The following COL6A2 variants were observed in gnomAD, a reference collection of about 807,000 sequenced individuals.
COL6A2 encodes the protein collagen alpha-2(VI) chain.
Under a neutral mutation model 124.9 loss-of-function variants are expected in COL6A2, and 90 were observed. The observed-to-expected ratio is 0.72, with a 90% CI of 0.61 to 0.86. COL6A2 has a LOEUF of 0.86. COL6A2 is among the 40% of genes least tolerant of loss of function. The probability of loss-of-function intolerance (pLI) is 0.00; values close to 1 mark genes in which losing one functional copy is unlikely to be tolerated. For missense variants in COL6A2, 1,607 were observed against 1,502.5 expected, an observed-to-expected ratio of 1.07 and a Z score of -1.15; for synonymous variants, 793 against 618.2, an observed-to-expected ratio of 1.28 and a Z score of -4.19.
At chr21:46,114,940 C>T (rs1038290306) in intron 5 of COL6A2, among the ~76,000 whole-genome samples, 6 of 152,246 alleles carry the variant, frequency 3.9e-5, no homozygotes, top group African/African-American at 7.2e-5. Flanking sequence ...TACGTAGCTT[C>T]GTGTTTTTCT....
Position 46,116,681 on chromosome 21 carries a change from G to T in COL6A2, c.954+4G>T, listed in dbSNP as rs367630571. ...ATTTGGAGCCGACGGTCGCAAGGTA[G>T]GCTGGCTGGGTAGGCAGAGCCCCTC... On this transcript the variant is annotated splice_donor_region_variant and intron_variant, in intron 9 of 27. Coordinates refer to ENST00000300527, the MANE Select transcript of COL6A2 (RefSeq NM_001849.4). The surrounding 1 kb of genome is among the most constrained non-coding windows in gnomAD (Gnocchi z 4.6). 12 of 1,613,030 alleles carry T rather than the reference G, an allele frequency of 7.4e-6. No homozygotes were observed. Among genetic ancestry groups the T allele is most frequent in the African/African-American group, 1.3e-5 (1 of 75,048 alleles).
At position 46,116,340 on chromosome 21, in the gene COL6A2, G is replaced by T; in HGVS notation, c.901-37G>T. On this transcript the variant is annotated intron_variant, in intron 7 of 27. Coordinates refer to ENST00000300527, the MANE Select transcript of COL6A2 (RefSeq NM_001849.4). This position sits in a 1 kb window ranked among gnomAD's most constrained non-coding sequence, Gnocchi z 4.6. Reference sequence around the variant, plus strand: ...CCTTCCCTGCCTGTGTCTCTGCAGAGCTCCTCACTAATGCCCCTCTCTCCT... The same window carrying T: ...CCTTCCCTGCCTGTGTCTCTGCAGATCTCCTCACTAATGCCCCTCTCTCCT... 6.2e-7 allele frequency: 1 copy of T among 1,611,496 alleles called. No homozygotes were observed.
At chr21:46,125,237 GA>G in intron 23 of COL6A2, 28 bp from the exon 24 acceptor site, 1 of 1,609,354 alleles carries the variant, frequency 6.2e-7, no homozygotes, top group South Asian at 1.1e-5. Flanking sequence ...GCCCCGGGGG[GA>G]CTACCCTGCC....
In COL6A2 at chr21:46,115,842, G is replaced by A. The variant is rs73908531; in HGVS notation, c.802-30G>A. 3,073 of 1,611,060 alleles carry A rather than the reference G, an allele frequency of 1.9e-3. 42 individuals carry two copies. The African/African-American group carries it at 0.036, about 19-fold the overall frequency. On this transcript the variant is annotated intron_variant, in intron 5 of 27. Transcript: ENST00000300527. ...AGCTGCCTACCGCCCACCCTACCCT[G>A]CCTCGATGTACTCTTTTCTCTGCTT...
Position 46,115,158 on chromosome 21 carries a change from T to TGG in COL6A2, c.802-708_802-707dup, listed in dbSNP as rs560464898. Among the ~76,000 whole-genome samples the TGG allele has an allele frequency of 1.8e-3, 273 of 152,226 alleles. 1 individual carries two copies. Among genetic ancestry groups the TGG allele is most frequent in the African/African-American group, 6.4e-3 (264 of 41,550 alleles). On this transcript the variant is annotated intron_variant, in intron 5 of 27. Coordinates refer to ENST00000300527, the MANE Select transcript of COL6A2 (RefSeq NM_001849.4). ...ACAGCAGTGCAGTGACCCGTTCTGT[T>TGG]GGGGGGGCCACTGGAAGCTGCCACA...
intron 11 of COL6A2, 103 bp downstream of exon 11, chr21:46,117,556 C>T (rs934840308): frequency 1.6e-5 from 19 of 1,220,350 alleles, no homozygotes; most frequent in East Asian, 1.5e-4. Flanking sequence ...TGGGTTCTCC[C>T]GGCAGCCCAG....
rs142296092 is a variant in COL6A2 at position 46,132,487 on chromosome 21, G to A, written c.2995G>A (p.Glu999Lys). 148 of 1,607,296 alleles carry A rather than the reference G, an allele frequency of 9.2e-5. No individual in the cohort carries two copies. In the African/African-American group the frequency reaches 1.1e-3, roughly 12 times the overall value. ...GGGTGACCGCGCCGCCGTGTTCCACGAGAAGGACTATGACAGCCTGGCGCA... is the reference window on the plus strand; with the variant it reads ...GGGTGACCGCGCCGCCGTGTTCCACAAGAAGGACTATGACAGCCTGGCGCA... Reference protein sequence around the residue: ...SLGDRAAVFHEKDYDSLAQPG... With the variant: ...SLGDRAAVFHKKDYDSLAQPG... Residue 999 changes from glutamate to lysine, a missense_variant, in exon 28 of 28, where the codon GAG becomes AAG. By Grantham distance (56) the Glu-to-Lys change is moderately conservative (BLOSUM62 1). Transcript: ENST00000300527.
intron 1 of COL6A2, among the ~76,000 whole-genome samples, chr21:46,099,941 T>C (rs1276392429): frequency 6.8e-6 from 1 of 146,576 alleles, no homozygotes; most frequent in East Asian, 2.1e-4. Context: ...AATGATGCCT[T>C]GTTGGGGGGT....
chr21:46,116,635 C>T lies in COL6A2; in HGVS notation c.928-16C>T. ...TGAGGCACCGAGCTCACTGCGCCGG[C>T]TTTCCTCCTACACAGGGTGAATTTG... On this transcript the variant is annotated splice_polypyrimidine_tract_variant and intron_variant, in intron 8 of 27. Transcript: ENST00000300527. The surrounding 1 kb of genome is among the most constrained non-coding windows in gnomAD (Gnocchi z 4.6). The T allele has an allele frequency of 1.9e-6, 3 of 1,612,960 alleles. No homozygotes were observed. The highest frequency in any genetic ancestry group is 2.5e-6 in the Non-Finnish European group (3 of 1,180,006).
chr21:46,114,264 A>T (rs1344609156), intron 5 of COL6A2, among the ~76,000 whole-genome samples, 191 bp downstream of exon 5: 1 of 151,836 alleles, frequency 6.6e-6, no homozygotes. Flanking sequence ...GTCTCTACTA[A>T]AAATACAAAA....
chr21:46,112,439 C>T lies in COL6A2; in HGVS notation c.576C>T (p.Pro192=), dbSNP rs757571306. 2.5e-5 allele frequency: 40 copies of T among 1,609,824 alleles called. No individual in the cohort carries two copies. Among genetic ancestry groups the T allele is most frequent in the Non-Finnish European group, 3.4e-5 (40 of 1,179,656 alleles). The change falls in exon 3 of 28, where the codon CCC becomes CCT. Residue 192 remains proline, a synonymous_variant. Transcript: ENST00000300527. Reference sequence around the variant, plus strand: ...GCATCCGGCTCTTCGCCGTGGCCCCCAACCAGAACCTGAAGGAGCAGGGCC... The same window carrying T: ...GCATCCGGCTCTTCGCCGTGGCCCCTAACCAGAACCTGAAGGAGCAGGGCC... ...EEGIRLFAVA[P]NQNLKEQGLR...
chr21:46,127,800 G>A (rs1049287459), intron 27 of COL6A2, among the ~76,000 whole-genome samples: 4 of 152,166 alleles, frequency 2.6e-5, no homozygotes, highest in African/African-American at 9.7e-5. Context: ...AGGTTCTATC[G>A]TGAGTGGGTG....
intron 1 of COL6A2, among the ~76,000 whole-genome samples, chr21:46,105,370 A>T (rs1307660913): frequency 6.6e-6 from 1 of 152,184 alleles, no homozygotes; most frequent in African/African-American, 2.4e-5. Flanking sequence ...TGGGCAACAG[A>T]GCAAGACCTT....
rs778546141 is a variant in COL6A2 at position 46,111,559 on chromosome 21, C to T, written c.83C>T (p.Pro28Leu). The T allele has an allele frequency of 2.5e-5, 41 of 1,612,760 alleles. No individual in the cohort carries two copies. In the East Asian group the frequency reaches 3.3e-4, roughly 13 times the overall value. The change falls in exon 2 of 28, where the codon CCG becomes CTG. Residue 28 changes from proline (P) to leucine (L), a missense_variant. Physicochemically the swap from Pro to Leu is moderately conservative, Grantham distance 98. Around this residue, in one of 3 missense-constraint regions of COL6A2, gnomAD observed 342 missense variants for 381.5 expected, o/e 0.90. Transcript: ENST00000300527. Reference protein sequence around the residue: ...IQAQQQEVISPDTTERNNNCP... With the variant: ...IQAQQQEVISLDTTERNNNCP... ...GCCCAGCAGCAGGAGGTCATCTCGCCGGACACTACCGAGAGAAACAACAAC... is the reference window on the plus strand; with the variant it reads ...GCCCAGCAGCAGGAGGTCATCTCGCTGGACACTACCGAGAGAAACAACAAC...
intron 18 of COL6A2, 125 bp from the exon 19 acceptor site, chr21:46,121,983 G>A: frequency 9.9e-7 from 1 of 1,013,648 alleles, no homozygotes; most frequent in Non-Finnish European, 1.5e-6. Flanking sequence ...TCTGCTCACA[G>A]CCAGAACTCG....
chr21:46,116,926 T>TACACACACAC lies in COL6A2; in HGVS notation c.999+133_999+142dup, dbSNP rs59060956. On this transcript the variant is annotated intron_variant, in intron 10 of 27. Coordinates refer to ENST00000300527, the MANE Select transcript of COL6A2 (RefSeq NM_001849.4). The surrounding 1 kb of genome is among the most constrained non-coding windows in gnomAD (Gnocchi z 4.6). ...CAGCTTACACATGTGTACACACGCA[T>TACACACACAC]ACACACACACACACACACACACACA... The TACACACACAC allele has an allele frequency of 0.043, 27,096 of 636,486 alleles. 275 individuals carry two copies. The highest frequency in any genetic ancestry group is 0.07 in the African/African-American group (3,810 of 54,408). 39.4% of individuals were successfully genotyped at this position (636,486 alleles called of 1,614,324 possible). A position where few individuals can be genotyped will look rare whatever the true frequency, so the allele number is the denominator to read the frequency against.
At chr21:46,103,399 ATCTG>A (rs2078306968) in intron 1 of COL6A2, among the ~76,000 whole-genome samples, 1 of 151,982 alleles carries the variant, frequency 6.6e-6, no homozygotes, top group South Asian at 2.1e-4. Context: ...TTTCTCTATT[ATCTG>A]TCTGTTCTCC....
In COL6A2 at chr21:46,132,226, A is replaced by T. The variant is rs1219181910; in HGVS notation, c.2734A>T (p.Asn912Tyr). The change falls in exon 28 of 28, where the codon AAC (asparagine) becomes TAC (tyrosine). Residue 912 changes from asparagine to tyrosine, a missense_variant. By Grantham distance (143) the Asn-to-Tyr change is moderately radical. This residue lies in a region of COL6A2 where 1,223 missense variants were observed against 1,052.2 expected (regional missense o/e 1.16). Coordinates refer to ENST00000300527, the MANE Select transcript of COL6A2 (RefSeq NM_001849.4). Reference protein sequence around the residue: ...HEALETTQYLNSFSHVGAGVV... With the variant: ...HEALETTQYLYSFSHVGAGVV... Reference sequence around the variant, plus strand: ...GGCGCTGGAGACCACACAATACCTGAACTCCTTCTCGCACGTGGGCGCAGG... The same window carrying T: ...GGCGCTGGAGACCACACAATACCTGTACTCCTTCTCGCACGTGGGCGCAGG... 1 of 1,597,328 alleles carries T rather than the reference A, an allele frequency of 6.3e-7. No homozygotes were observed. Among genetic ancestry groups the T allele is most frequent in the Non-Finnish European group, 8.5e-7 (1 of 1,173,388 alleles).
chr21:46,123,084 G>C, intron 21 of COL6A2, 147 bp downstream of exon 21: 1 of 804,752 alleles, frequency 1.2e-6, no homozygotes, highest in South Asian at 1.4e-5. Context: ...TAAAGGGAAC[G>C]GCTGGCTCAG....
Sources: gnomAD v4.1 joint callset for allele counts (sites outside exome capture counted in the v4.1 genomes callset) on GRCh38, gnomAD v4.1.1 for gene constraint, gnomAD v4.1.1 regional missense constraint, Gnocchi (gnomAD v3.1) non-coding constraint, MANE v1.5 for transcripts, NCBI Gene and HGNC (gene_info 2026-07-23, HGNC 2026-07-21) for gene names.